KCNIP1: variants seen among roughly 807,000 people sequenced by gnomAD.
KCNIP1 encodes potassium voltage-gated channel interacting protein 1, also known as A-type potassium channel modulatory protein KCNIP1.
Under a neutral mutation model 33.0 loss-of-function variants are expected in KCNIP1, and 18 were observed. The observed-to-expected ratio is 0.55, with a 90% CI of 0.38 to 0.81. The LOEUF (loss-of-function observed/expected upper bound fraction) is 0.81, where lower values mean the gene tolerates loss of function less well. Among genes scored for constraint, KCNIP1 ranks in the 30% least tolerant of loss-of-function variants. The pLI, the probability that KCNIP1 is intolerant of heterozygous loss-of-function variation, is 0.00. For missense variants in KCNIP1, 238 were observed against 271.6 expected, an observed-to-expected ratio of 0.88 and a Z score of 0.87; for synonymous variants, 93 against 98.3, an observed-to-expected ratio of 0.95 and a Z score of 0.32.
intron 1 of KCNIP1, among the ~76,000 whole-genome samples, chr5:170,390,308 C>T: frequency 6.6e-6 from 1 of 151,534 alleles, no homozygotes; most frequent in Non-Finnish European, 1.5e-5. Context: ...GAGTTTGAGA[C>T]CATCCTGGGC....
intron 2 of KCNIP1, among the ~76,000 whole-genome samples, chr5:170,719,706 G>A (rs918668240): frequency 6.6e-6 from 1 of 152,134 alleles, no homozygotes; most frequent in Non-Finnish European, 1.5e-5. Flanking sequence ...CCCCTCCTGG[G>A]AGTTATCTGA....
At chr5:170,558,535 C>T (rs1369011770) in intron 1 of KCNIP1, among the ~76,000 whole-genome samples, 1 of 152,228 alleles carries the variant, frequency 6.6e-6, no homozygotes, top group African/African-American at 2.4e-5. Flanking sequence ...GACACTGACT[C>T]CATCTAAGAT....
chr5:170,721,712 TC>T (rs2113874203), intron 3 of KCNIP1, 120 bp from the exon 4 acceptor site: 1 of 1,610,304 alleles, frequency 6.2e-7, no homozygotes, highest in Admixed American at 1.7e-5. Flanking sequence ...CATAATTTTC[TC>T]CTTTCCATCA....
chr5:170,726,648 C>G (rs946299054), intron 5 of KCNIP1, among the ~76,000 whole-genome samples: 5 of 150,816 alleles, frequency 3.3e-5, no homozygotes, highest in Non-Finnish European at 5.9e-5. Flanking sequence ...GCCTATAATC[C>G]CAGTACTTTG....
At chr5:170,727,522 T>C (rs759751422) in intron 5 of KCNIP1, among the ~76,000 whole-genome samples, 7 of 152,244 alleles carry the variant, frequency 4.6e-5, no homozygotes, top group Middle Eastern at 3.4e-3. Flanking sequence ...GCCTAACCAA[T>C]AGAAGACACT....
intron 1 of KCNIP1, among the ~76,000 whole-genome samples, chr5:170,451,479 G>A (rs1756249233): frequency 6.6e-6 from 1 of 151,758 alleles, no homozygotes; most frequent in Non-Finnish European, 1.5e-5. Flanking sequence ...TCTCCTTGCT[G>A]CAATGAGCCA....
At chr5:170,722,025 T>A (rs889691987) in intron 4 of KCNIP1, 122 bp downstream of exon 4, 59 of 1,177,610 alleles carry the variant, frequency 5.0e-5, no homozygotes, top group Non-Finnish European at 7.0e-5. Flanking sequence ...CAAAGACATG[T>A]TTATCCATTT....
chr5:170,639,858 T>A (rs1157753712), intron 1 of KCNIP1, among the ~76,000 whole-genome samples: 1 of 152,212 alleles, frequency 6.6e-6, no homozygotes, highest in Non-Finnish European at 1.5e-5. Flanking sequence ...GACAAAAACA[T>A]TATTTTGCAT....
At chr5:170,437,460 C>T (rs1755891718) in intron 1 of KCNIP1, among the ~76,000 whole-genome samples, 1 of 152,212 alleles carries the variant, frequency 6.6e-6, no homozygotes, top group Non-Finnish European at 1.5e-5. Context: ...ATCCTCCAAA[C>T]AAACCTTCAA....
At chr5:170,487,112 C>A (rs767446229) in intron 1 of KCNIP1, among the ~76,000 whole-genome samples, 3 of 152,052 alleles carry the variant, frequency 2.0e-5, no homozygotes, top group Non-Finnish European at 2.9e-5. Context: ...TAGGGGCTGG[C>A]AAATTCAAAA....
rs999324829 is a variant in KCNIP1 at position 170,736,514 on chromosome 5, C to T, written c.*708C>T. On this transcript the variant is annotated 3_prime_UTR_variant, in exon 8 of 8. Coordinates refer to ENST00000328939, the MANE Select transcript of KCNIP1 (RefSeq NM_014592.4). ...TGCCCAGTGGTCCATATCTCCACCA[C>T]ATCCCCTGCTTGAGCCCAGCGCTGC... 1 of 152,348 alleles carries T rather than the reference C, an allele frequency of 6.6e-6. No individual in the cohort carries two copies. The highest frequency in any genetic ancestry group is 2.4e-5 in the African/African-American group (1 of 41,454). 9.4% of individuals were successfully genotyped at this position (152,348 alleles called of 1,614,324 possible).
intron 1 of KCNIP1, among the ~76,000 whole-genome samples, chr5:170,526,640 C>A (rs1755579184): frequency 6.6e-6 from 1 of 151,890 alleles, no homozygotes; most frequent in South Asian, 2.1e-4. Context: ...TGCTTCTTAT[C>A]CCCCTGCCTT....
intron 1 of KCNIP1, among the ~76,000 whole-genome samples, chr5:170,611,056 GC>G (rs1341801242): frequency 2.0e-5 from 3 of 152,216 alleles, no homozygotes; most frequent in Non-Finnish European, 2.9e-5. Flanking sequence ...AAGTGCCAAA[GC>G]CAGGATTTGA....
chr5:170,689,727 C>T (rs1424545745), intron 1 of KCNIP1, among the ~76,000 whole-genome samples: 2 of 152,152 alleles, frequency 1.3e-5, no homozygotes, highest in Non-Finnish European at 2.9e-5. Flanking sequence ...GAGAGAAAAG[C>T]ATGTTCAGGA....
At chr5:170,602,009 C>T (rs1428845379) in intron 1 of KCNIP1, among the ~76,000 whole-genome samples, 1 of 152,148 alleles carries the variant, frequency 6.6e-6, no homozygotes, top group Non-Finnish European at 1.5e-5. Context: ...GCTCTCTGCC[C>T]TCTGGGGTGA....
intron 1 of KCNIP1, among the ~76,000 whole-genome samples, chr5:170,689,987 G>A (rs539250502): frequency 1.3e-5 from 2 of 152,258 alleles, no homozygotes; most frequent in East Asian, 3.9e-4. Flanking sequence ...TGCAAGGCCT[G>A]AACAGCCTGC....
At chr5:170,608,079 A>G (rs887687403) in intron 1 of KCNIP1, among the ~76,000 whole-genome samples, 8 of 152,160 alleles carry the variant, frequency 5.3e-5, no homozygotes, top group African/African-American at 1.7e-4. Flanking sequence ...GAAGGTAGGC[A>G]CTAGAACTTG....
intron 1 of KCNIP1, among the ~76,000 whole-genome samples, chr5:170,589,724 T>C (rs1758137511): frequency 1.9e-5 from 1 of 52,994 alleles, no homozygotes; most frequent in Admixed American, 1.6e-4. Flanking sequence ...TGTGGTGTGA[T>C]GTGGTGTGGT....
intron 1 of KCNIP1, among the ~76,000 whole-genome samples, chr5:170,535,566 C>T (rs1046147114): frequency 2.6e-5 from 4 of 152,108 alleles, no homozygotes; most frequent in African/African-American, 9.7e-5. Flanking sequence ...TCCTGCTTGG[C>T]CCCAAACTCT....
Sources: allele counts gnomAD v4.1 joint callset (sites outside exome capture counted in the v4.1 genomes callset), GRCh38; gene constraint gnomAD v4.1.1; transcripts MANE v1.5; gene names NCBI Gene and HGNC (gene_info 2026-07-23, HGNC 2026-07-21).